ZMAT4: variants seen among roughly 807,000 people sequenced by gnomAD.
ZMAT4 encodes zinc finger matrin-type protein 4.
A neutral mutation model predicts 28.7 loss-of-function variants in ZMAT4; 17 were observed. The ratio of observed to expected loss-of-function variants is 0.59; its 90% confidence interval spans 0.41 to 0.89. The LOEUF (loss-of-function observed/expected upper bound fraction) is 0.89. ZMAT4 is among the 40% of genes least tolerant of loss of function. The pLI, the probability that ZMAT4 is intolerant of heterozygous loss-of-function variation, is 0.00. For synonymous variants in ZMAT4, 117 were observed against 109.2 expected (o/e 1.07, Z -0.44); for missense variants, 240 against 283.8 (o/e 0.85, Z 1.11).
intron 5 of ZMAT4, among the ~76,000 whole-genome samples, chr8:40,663,293 T>A (rs190246584): frequency 2.8e-4 from 42 of 152,334 alleles, no homozygotes; most frequent in Middle Eastern, 3.4e-3. Flanking sequence ...AAGTCGTTTT[T>A]TTCTGTGTTC....
intron 5 of ZMAT4, among the ~76,000 whole-genome samples, chr8:40,639,173 A>G (rs982783294): frequency 2.6e-5 from 4 of 152,216 alleles, no homozygotes; most frequent in African/African-American, 7.2e-5. Flanking sequence ...CTTCAGAAGG[A>G]ATTCTTGCAT....
At chr8:40,704,573 G>A (rs1374273793) in intron 3 of ZMAT4, among the ~76,000 whole-genome samples, 2 of 152,034 alleles carry the variant, frequency 1.3e-5, no homozygotes, top group Admixed American at 6.5e-5. Context: ...TTTTAGAATT[G>A]TCTTTCTAAA....
At chr8:40,821,480 C>T (rs1563508077) in intron 2 of ZMAT4, among the ~76,000 whole-genome samples, 1 of 151,864 alleles carries the variant, frequency 6.6e-6, no homozygotes, top group East Asian at 1.9e-4. Context: ...TATTTTTTTT[C>T]ACCTGAGGAC....
chr8:40,759,630 A>G (rs1346907671), intron 3 of ZMAT4, among the ~76,000 whole-genome samples: 2 of 152,172 alleles, frequency 1.3e-5, no homozygotes, highest in Non-Finnish European at 2.9e-5. Context: ...CGTTTAAGCC[A>G]CCTAGGCTAT....
At chr8:40,740,454 G>A (rs1811951214) in intron 3 of ZMAT4, among the ~76,000 whole-genome samples, 1 of 152,120 alleles carries the variant, frequency 6.6e-6, no homozygotes, top group Non-Finnish European at 1.5e-5. Context: ...AATATGTAAT[G>A]CTTGTGTGAT....
intron 1 of ZMAT4, among the ~76,000 whole-genome samples, chr8:40,871,708 A>T (rs1230136995): frequency 4.6e-5 from 7 of 152,220 alleles, no homozygotes; most frequent in Non-Finnish European, 1.0e-4. Flanking sequence ...CCAGGACAGC[A>T]CTGAGGTGTG....
intron 5 of ZMAT4, among the ~76,000 whole-genome samples, chr8:40,626,780 G>A (rs1806397700): frequency 6.6e-6 from 1 of 152,138 alleles, no homozygotes; most frequent in Non-Finnish European, 1.5e-5. Context: ...ATGTTGGATG[G>A]ACAGGCACCA....
chr8:40,846,684 C>T (rs1254198259), intron 1 of ZMAT4, among the ~76,000 whole-genome samples: 2 of 152,186 alleles, frequency 1.3e-5, no homozygotes, highest in Non-Finnish European at 1.5e-5. Flanking sequence ...ACTGCAGGAG[C>T]AGGGCTGGGC....
At chr8:40,712,285 A>T (rs1365054099) in intron 3 of ZMAT4, among the ~76,000 whole-genome samples, 1 of 152,206 alleles carries the variant, frequency 6.6e-6, no homozygotes, top group Admixed American at 6.5e-5. Context: ...CAAAAACTAT[A>T]TTTAAGAATA....
chr8:40,832,855 G>A (rs965311004), intron 1 of ZMAT4, among the ~76,000 whole-genome samples: 1 of 152,216 alleles, frequency 6.6e-6, no homozygotes, highest in Non-Finnish European at 1.5e-5. Flanking sequence ...ACTCTGCTCA[G>A]AAGGGAGGGA....
At chr8:40,895,945 T>G (rs916547603) in intron 1 of ZMAT4, among the ~76,000 whole-genome samples, 4 of 152,230 alleles carry the variant, frequency 2.6e-5, no homozygotes, top group East Asian at 1.9e-4. Context: ...CTGGGAAAAG[T>G]TCAGCTTCCG....
chr8:40,583,807 G>A (rs1366612358), intron 5 of ZMAT4, among the ~76,000 whole-genome samples: 1 of 152,124 alleles, frequency 6.6e-6, no homozygotes, highest in Non-Finnish European at 1.5e-5. Flanking sequence ...GTCATGAGTA[G>A]ACAAGAGACA....
In ZMAT4 at chr8:40,841,786, A is replaced by T. The variant is rs570038061; in HGVS notation, c.-4-16106T>A. Among the ~76,000 whole-genome samples, 99 of 152,374 alleles carry T rather than the reference A, an allele frequency of 6.5e-4. 1 individual carries two copies. Among genetic ancestry groups the T allele is most frequent in the African/African-American group, 2.0e-3 (85 of 41,594 alleles). On this transcript the variant is annotated intron_variant, in intron 1 of 6. Coordinates refer to ENST00000297737, the MANE Select transcript of ZMAT4 (RefSeq NM_024645.3). ...GAATGGAGTAATAAAAGTAAAATGC[A>T]CTAGTGTAATCTATTGCTTCCCAGT...
intron 3 of ZMAT4, among the ~76,000 whole-genome samples, chr8:40,703,347 G>A (rs953985497): frequency 1.3e-5 from 2 of 152,148 alleles, no homozygotes; most frequent in Non-Finnish European, 2.9e-5. Context: ...TGCAGAGGGA[G>A]TAAATAAAAT....
intron 2 of ZMAT4, among the ~76,000 whole-genome samples, chr8:40,775,122 T>C (rs1330892656): frequency 2.6e-5 from 4 of 152,200 alleles, no homozygotes; most frequent in Admixed American, 2.6e-4. Context: ...TGGCCGGTGC[T>C]CAATAAAGAT....
At chr8:40,859,635 C>T (rs1817421677) in intron 1 of ZMAT4, among the ~76,000 whole-genome samples, 1 of 152,232 alleles carries the variant, frequency 6.6e-6, no homozygotes, top group African/African-American at 2.4e-5. Flanking sequence ...CAAGTCTATA[C>T]ATGTCCCATC....
At chr8:40,623,423 G>C (rs1806267496) in intron 5 of ZMAT4, among the ~76,000 whole-genome samples, 1 of 152,206 alleles carries the variant, frequency 6.6e-6, no homozygotes, top group South Asian at 2.1e-4. Context: ...GAATGCATGA[G>C]AAAATACTAG....
At chr8:40,857,355 AC>A (rs906299289) in intron 1 of ZMAT4, among the ~76,000 whole-genome samples, 1 of 151,720 alleles carries the variant, frequency 6.6e-6, no homozygotes, top group African/African-American at 2.4e-5. Context: ...ACATAGCAAG[AC>A]CCTGTCTCTT....
At chr8:40,577,378 G>A (rs1804302181) in intron 6 of ZMAT4, among the ~76,000 whole-genome samples, 1 of 152,108 alleles carries the variant, frequency 6.6e-6, no homozygotes, top group South Asian at 2.1e-4. Flanking sequence ...ATTCATGGAA[G>A]CATGGATAAG....
Sources: gnomAD v4.1 joint callset for allele counts (sites outside exome capture counted in the v4.1 genomes callset) on GRCh38, gnomAD v4.1.1 for gene constraint, MANE v1.5 for transcripts, NCBI Gene and HGNC (gene_info 2026-07-23, HGNC 2026-07-21) for gene names.